DMD: variants seen among roughly 807,000 people sequenced by gnomAD.
DMD encodes the protein dystrophin, also known as mutant dystrophin.
A neutral mutation model predicts 330.1 loss-of-function variants in DMD; 63 were observed. The ratio of observed to expected loss-of-function variants is 0.19; its 90% CI spans 0.16 to 0.24. The LOEUF (loss-of-function observed/expected upper bound fraction) is 0.24, where lower values mean the gene tolerates loss of function less well. Ranked by LOEUF, DMD falls within the 10% of genes least tolerant of loss-of-function variation. The pLI is 1.00. For synonymous variants in DMD, 1,223 were observed against 959.8 expected (o/e 1.27, Z -5.07); for missense variants, 3,344 against 2,684.1 (o/e 1.25, Z -5.43).
At chrX:33,081,988 T>A (rs2148246923) in intron 1 of DMD, among the ~76,000 whole-genome samples, 1 of 107,820 alleles carries the variant, frequency 9.3e-6, no homozygotes, top group Admixed American at 1.0e-4. Context: ...CTAAAACGGG[T>A]TCTGTGGTGC....
intron 1 of DMD, among the ~76,000 whole-genome samples, chrX:33,235,050 G>C (rs2052451992): frequency 8.9e-6 from 1 of 112,015 alleles, no homozygotes. Context: ...AACTCCATCA[G>C]AGAGTTCTGT....
chrX:31,543,830 A>G (rs1016912502), intron 55 of DMD, among the ~76,000 whole-genome samples: 3 of 111,411 alleles, frequency 2.7e-5, no homozygotes, highest in Admixed American at 9.6e-5. Flanking sequence ...ACCGATAAGT[A>G]TGTTCTTGGT....
At chrX:33,249,760 T>C (rs936271036) in intron 1 of DMD, among the ~76,000 whole-genome samples, 2 of 110,660 alleles carry the variant, frequency 1.8e-5, no homozygotes, top group African/African-American at 6.6e-5. Flanking sequence ...TCTTCATCAT[T>C]TCTTTTCTTT....
chrX:32,797,066 C>T (rs1184363857), intron 7 of DMD, among the ~76,000 whole-genome samples: 1 of 111,694 alleles, frequency 9.0e-6, no homozygotes, highest in Non-Finnish European at 1.9e-5. Flanking sequence ...TTTTCCAGTG[C>T]CCAGCTTTAA....
intron 26 of DMD, 70 bp downstream of exon 26, chrX:32,454,592 C>T (rs1485954257): frequency 1.1e-6 from 1 of 898,525 alleles, no homozygotes; most frequent in Non-Finnish European, 1.6e-6. Context: ...CAACTTCAAG[C>T]ATTGTTGCAT....
intron 60 of DMD, among the ~76,000 whole-genome samples, chrX:31,443,269 C>T (rs910342325): frequency 9.0e-6 from 1 of 111,101 alleles, no homozygotes; most frequent in Non-Finnish European, 1.9e-5. Flanking sequence ...ACCACTACAA[C>T]CATTACTCTG....
chrX:31,608,708 G>A (rs1408163661), intron 55 of DMD, among the ~76,000 whole-genome samples: 1 of 111,339 alleles, frequency 9.0e-6, no homozygotes, highest in African/African-American at 3.3e-5. Flanking sequence ...CTAGATGGAC[G>A]TGTTCTCAGA....
At chrX:32,106,627 G>A (rs912938892) in intron 44 of DMD, among the ~76,000 whole-genome samples, 1 of 111,602 alleles carries the variant, frequency 9.0e-6, no homozygotes, top group Non-Finnish European at 1.9e-5. Flanking sequence ...TTATTCCCAT[G>A]TAGCAGGGAA....
chrX:33,091,678 C>G (rs1009983372), intron 1 of DMD, among the ~76,000 whole-genome samples: 6 of 111,728 alleles, frequency 5.4e-5, no homozygotes, highest in African/African-American at 2.0e-4. Flanking sequence ...TTAGTACGGG[C>G]TGGAGATAAT....
chrX:31,732,496 G>A (rs909435793), intron 51 of DMD, among the ~76,000 whole-genome samples: 2 of 111,398 alleles, frequency 1.8e-5, no homozygotes, highest in East Asian at 2.8e-4. Context: ...TGAGAGTAAC[G>A]ATTATTTTTC....
At chrX:31,758,108 C>T (rs192829070) in intron 51 of DMD, among the ~76,000 whole-genome samples, 16 of 111,229 alleles carry the variant, frequency 1.4e-4, no homozygotes, top group Non-Finnish European at 2.8e-4. Context: ...GTCACCCAAA[C>T]TATGATATTA....
intron 50 of DMD, among the ~76,000 whole-genome samples, chrX:31,797,468 A>T (rs1481500745): frequency 8.9e-6 from 1 of 112,153 alleles, no homozygotes; most frequent in African/African-American, 3.2e-5. Context: ...AACAGTTAAT[A>T]AATAAAATCT....
intron 1 of DMD, among the ~76,000 whole-genome samples, chrX:33,164,872 A>G (rs763743689): frequency 4.5e-5 from 5 of 109,892 alleles, no homozygotes; most frequent in South Asian, 7.8e-4. Flanking sequence ...GATACTACCA[A>G]TTAATTAGAG....
At chrX:32,936,577 C>T (rs1473283339) in intron 2 of DMD, among the ~76,000 whole-genome samples, 1 of 111,985 alleles carries the variant, frequency 8.9e-6, no homozygotes, top group Non-Finnish European at 1.9e-5. Flanking sequence ...CTCTTCCCTT[C>T]CTCATTTCTT....
At chrX:32,984,242 C>CCT (rs1175823594) in intron 2 of DMD, among the ~76,000 whole-genome samples, 1 of 111,793 alleles carries the variant, frequency 8.9e-6, no homozygotes, top group Non-Finnish European at 1.9e-5. Context: ...AGTTATTTAA[C>CCT]CTCTGTGCTA....
At chrX:32,870,304 G>A (rs369722405) in intron 2 of DMD, among the ~76,000 whole-genome samples, 1 of 111,734 alleles carries the variant, frequency 8.9e-6, no homozygotes, top group Non-Finnish European at 1.9e-5. Flanking sequence ...ACAAATGGAA[G>A]AACATTCCAT....
At chrX:31,221,797 T>C (rs924361541) in intron 64 of DMD, among the ~76,000 whole-genome samples, 3 of 112,867 alleles carry the variant, frequency 2.7e-5, no homozygotes, top group Non-Finnish European at 5.6e-5. Flanking sequence ...GGCTCACGCC[T>C]GTAATCCCAG....
chrX:32,668,713 T>C (rs890538055), intron 9 of DMD, among the ~76,000 whole-genome samples: 1 of 111,132 alleles, frequency 9.0e-6, no homozygotes, highest in Non-Finnish European at 1.9e-5. Context: ...CTCTGCTCTC[T>C]TCCCTATGCC....
chrX:31,627,219 A>G (rs2078896995), intron 55 of DMD, among the ~76,000 whole-genome samples: 1 of 113,075 alleles, frequency 8.8e-6, no homozygotes. Context: ...AGAAAGCTAC[A>G]AAATGCCAGA....
Sources: gnomAD v4.1 joint callset for allele counts (sites outside exome capture counted in the v4.1 genomes callset) on GRCh38, gnomAD v4.1.1 for gene constraint, MANE v1.5 for transcripts, NCBI Gene and HGNC (gene_info 2026-07-23, HGNC 2026-07-21) for gene names.